The following RPH3AL variants were observed in gnomAD, a reference collection of about 807,000 sequenced individuals.
RPH3AL encodes rab effector Noc2.
Under a neutral mutation model 43.1 loss-of-function variants are expected in RPH3AL, and 38 were observed. The ratio of observed to expected loss-of-function variants is 0.88; its 90% CI spans 0.68 to 1.15. The LOEUF is 1.15. RPH3AL is among the 50% of genes most tolerant of loss of function. The pLI, the probability that RPH3AL is intolerant of heterozygous loss-of-function variation, is 0.00. For missense variants in RPH3AL, 462 were observed against 423.2 expected (o/e 1.09, Z -0.81); for synonymous variants, 189 against 176.3 (o/e 1.07, Z -0.57).
Position 333,886 on chromosome 17 carries a change from C to T in RPH3AL, c.-164G>A, listed in dbSNP as rs971612583. On this transcript the variant is annotated 5_prime_UTR_variant, in exon 2 of 10. Transcript: ENST00000331302. This position sits in a 1 kb window ranked among gnomAD's most constrained non-coding sequence, Gnocchi z 4.5. ...CTGGAGGCAGCTGTGTCTTGGTAGC[C>T]TAATCTGCGGATCTCCAATTAGATG... is the stretch of plus-strand genomic sequence containing the variant. The T allele has an allele frequency of 6.5e-6, 1 of 153,024 alleles. No homozygotes were observed. The highest frequency in any genetic ancestry group is 1.5e-5 in the Non-Finnish European group (1 of 68,614). 9.5% of individuals were successfully genotyped at this position (153,024 alleles called of 1,614,324 possible). A position where few individuals can be genotyped will look rare whatever the true frequency, so the allele number is the denominator to read the frequency against.
At chr17:339,838 G>C (rs774734720) in intron 1 of RPH3AL, among the ~76,000 whole-genome samples, 5 of 152,178 alleles carry the variant, frequency 3.3e-5, no homozygotes, top group Non-Finnish European at 5.9e-5. Flanking sequence ...TGTAAGTCGC[G>C]CAGTAATTGG....
chr17:309,481 C>G (rs931842901), intron 5 of RPH3AL, among the ~76,000 whole-genome samples: 1 of 150,822 alleles, frequency 6.6e-6, no homozygotes, highest in African/African-American at 2.5e-5. Context: ...GCCAGCCCCC[C>G]TGCTGGGGGT....
At chr17:326,125 T>C (rs1038701515) in intron 3 of RPH3AL, among the ~76,000 whole-genome samples, 7 of 152,338 alleles carry the variant, frequency 4.6e-5, no homozygotes, top group African/African-American at 1.7e-4. Flanking sequence ...GGACACTTCA[T>C]CTGCCTGGCG....
intron 5 of RPH3AL, among the ~76,000 whole-genome samples, chr17:305,258 C>T (rs373913908): frequency 1.3e-5 from 2 of 151,948 alleles, no homozygotes; most frequent in Non-Finnish European, 2.9e-5. Context: ...AGGCACCGGC[C>T]GAGTTGGGAC....
At chr17:221,355 A>T (rs374732717) in intron 7 of RPH3AL, among the ~76,000 whole-genome samples, 5 of 108,668 alleles carry the variant, frequency 4.6e-5, no homozygotes, top group South Asian at 3.3e-4. Flanking sequence ...CCCAAGCACA[A>T]CAGCTCTGAG....
chr17:317,086 C>T (rs554518781), intron 5 of RPH3AL, among the ~76,000 whole-genome samples: 3 of 146,130 alleles, frequency 2.1e-5, no homozygotes, highest in African/African-American at 7.7e-5. Context: ...TCTCTGTGCT[C>T]CACCTCCAGT....
intron 4 of RPH3AL, 62 bp from the exon 5 acceptor site, chr17:319,611 G>A: frequency 1.9e-6 from 3 of 1,590,816 alleles, no homozygotes; most frequent in Non-Finnish European, 2.6e-6. Context: ...GTTGCACTGA[G>A]GCCCGAAACC....
chr17:247,117 C>T lies in RPH3AL; in HGVS notation c.607G>A (p.Gly203Arg). The T allele has an allele frequency of 6.2e-7, 1 of 1,614,136 alleles. No homozygotes were observed. Among genetic ancestry groups the T allele is most frequent in the Non-Finnish European group, 8.5e-7 (1 of 1,180,016 alleles). Residue 203 changes from glycine to arginine, a missense_variant, in exon 7 of 10, where the codon GGA becomes AGA. Physicochemically the swap from Gly to Arg is moderately radical, Grantham distance 125. Transcript: ENST00000331302. Reference sequence around the variant, plus strand: ...AGAGGCAGAGGGGACTTACCTCTTCCTCGGGCCCACGTGTAGATGCGGCTG... The same window carrying T: ...AGAGGCAGAGGGGACTTACCTCTTCTTCGGGCCCACGTGTAGATGCGGCTG... ...ETSRIYTWAR[G>R]RVVSSDSDSD...
intron 6 of RPH3AL, chr17:247,553 A>T (rs904954234): frequency 9.3e-6 from 4 of 430,594 alleles, no homozygotes; most frequent in African/African-American, 8.1e-5. Flanking sequence ...TGGTGCAGTC[A>T]TCACCCGCTG....
intron 6 of RPH3AL, among the ~76,000 whole-genome samples, chr17:269,067 A>C (rs1404259190): frequency 6.6e-6 from 1 of 151,962 alleles, no homozygotes; most frequent in Non-Finnish European, 1.5e-5. Context: ...TTTAGTAGAG[A>C]CGGGGTTTCA....
intron 6 of RPH3AL, among the ~76,000 whole-genome samples, chr17:270,175 G>A (rs1051525555): frequency 7.2e-5 from 11 of 152,108 alleles, no homozygotes; most frequent in African/African-American, 9.7e-5. Flanking sequence ...TCAGGCAGCC[G>A]CCCGCCCCAG....
chr17:308,377 G>A (rs778957436), intron 5 of RPH3AL, among the ~76,000 whole-genome samples: 5 of 152,312 alleles, frequency 3.3e-5, no homozygotes, highest in Middle Eastern at 3.4e-3. Flanking sequence ...CAGCTGCCAC[G>A]GAAAGCAGGG....
At chr17:349,622 G>C (rs1387200489) in intron 1 of RPH3AL, among the ~76,000 whole-genome samples, 1 of 151,658 alleles carries the variant, frequency 6.6e-6, no homozygotes, top group East Asian at 1.9e-4. Context: ...AGGAGTTCGA[G>C]ACCAACCTGG....
At chr17:230,700 C>T (rs984479125) in intron 7 of RPH3AL, among the ~76,000 whole-genome samples, 6 of 152,156 alleles carry the variant, frequency 3.9e-5, no homozygotes, top group South Asian at 2.1e-4. Flanking sequence ...GAATGAAACA[C>T]GGCAAGCCTA....
At chr17:320,377 TGACATCCCAGCCC>T (rs2044433191) in intron 4 of RPH3AL, among the ~76,000 whole-genome samples, 4 of 152,062 alleles carry the variant, frequency 2.6e-5, no homozygotes, top group Admixed American at 2.0e-4. Flanking sequence ...GGCTCATGCC[TGACATCCCAGCCC>T]TTTGTGAGGC....
intron 1 of RPH3AL, among the ~76,000 whole-genome samples, chr17:347,041 G>A (rs1057148821): frequency 1.5e-5 from 2 of 134,598 alleles, no homozygotes; most frequent in Non-Finnish European, 3.4e-5. Context: ...GGAGGATCAC[G>A]AGGTCAGGAG....
intron 6 of RPH3AL, among the ~76,000 whole-genome samples, chr17:275,131 T>A (rs2042622310): frequency 6.6e-6 from 1 of 151,244 alleles, no homozygotes; most frequent in South Asian, 2.1e-4. Context: ...ACACACCCCA[T>A]AATCCAAGAG....
intron 5 of RPH3AL, among the ~76,000 whole-genome samples, chr17:285,156 C>T (rs1428865147): frequency 6.6e-6 from 1 of 152,164 alleles, no homozygotes; most frequent in Non-Finnish European, 1.5e-5. Context: ...ATGGGAGCAT[C>T]GTCGTGTCTC....
At chr17:317,937 C>T (rs2044341158) in intron 5 of RPH3AL, among the ~76,000 whole-genome samples, 1 of 151,098 alleles carries the variant, frequency 6.6e-6, no homozygotes, top group Non-Finnish European at 1.5e-5. Context: ...CATCCTCCAC[C>T]CTCCACCCTC....
Sources: allele counts gnomAD v4.1 joint callset (sites outside exome capture counted in the v4.1 genomes callset), GRCh38; gene constraint gnomAD v4.1.1; non-coding constraint Gnocchi (gnomAD v3.1); transcripts MANE v1.5; gene names NCBI Gene and HGNC (gene_info 2026-07-23, HGNC 2026-07-21).